The following OTUD7A variants were observed in gnomAD, a reference collection of about 807,000 sequenced individuals.
The protein encoded by OTUD7A is OTU deubiquitinase 7A.
In OTUD7A, 12 loss-of-function variants were observed where a neutral mutation model predicts 65.7. That is an observed-to-expected ratio of 0.18 (90% CI 0.12 to 0.30). The LOEUF (loss-of-function observed/expected upper bound fraction) is 0.30. Among genes scored for constraint, OTUD7A ranks in the 10% least tolerant of loss-of-function variants. The pLI is 1.00. For missense variants in OTUD7A, 1,148 were observed against 1,304.8 expected (o/e 0.88, Z 1.85); for synonymous variants, 641 against 586.3 (o/e 1.09, Z -1.35).
intron 3 of OTUD7A, among the ~76,000 whole-genome samples, chr15:31,638,689 T>C (rs887608123): frequency 2.0e-5 from 3 of 152,044 alleles, no homozygotes; most frequent in Admixed American, 6.6e-5. Context: ...GCCACTGTGC[T>C]TAGCCAACAT....
intron 1 of OTUD7A, among the ~76,000 whole-genome samples, chr15:31,858,345 T>C (rs1003557338): frequency 6.6e-6 from 1 of 152,138 alleles, no homozygotes; most frequent in Non-Finnish European, 1.5e-5. Context: ...CCTCTTGCTG[T>C]GCAGTGTGGC....
intron 1 of OTUD7A, among the ~76,000 whole-genome samples, chr15:31,666,019 G>A (rs1363320362): frequency 4.4e-5 from 6 of 135,802 alleles, no homozygotes; most frequent in Non-Finnish European, 7.8e-5. Flanking sequence ...CTTGATCATG[G>A]TGGATTTTTT....
chr15:31,671,602 T>C (rs2141296331), intron 1 of OTUD7A, among the ~76,000 whole-genome samples: 1 of 152,342 alleles, frequency 6.6e-6, no homozygotes, highest in Admixed American at 6.5e-5. Flanking sequence ...ACTAATATGA[T>C]GAATTATATT....
In OTUD7A at chr15:31,483,720, C is replaced by A; in HGVS notation, c.2376G>T (p.Ala792=). The A allele has an allele frequency of 8.8e-7, 1 of 1,134,908 alleles. No individual in the cohort carries two copies. Among genetic ancestry groups the A allele is most frequent in the Non-Finnish European group, 1.1e-6 (1 of 927,990 alleles). 70.3% of individuals were successfully genotyped at this position (1,134,908 alleles called of 1,614,324 possible). A position where few individuals can be genotyped will look rare whatever the true frequency, so the allele number is the denominator to read the frequency against. The change falls in exon 13 of 13, where the codon GCG becomes GCT. Residue 792 remains alanine (A), a synonymous_variant. Coordinates refer to ENST00000307050, the MANE Select transcript of OTUD7A (RefSeq NM_001382637.1). ...ACGGCCGCAGCGCCCCCACGGCCGG[C>A]GCGCACGCCTCGTCCCGCGCGCCCG... ...QASGARDEAC[A]PAVGALRPCA...
intron 1 of OTUD7A, among the ~76,000 whole-genome samples, chr15:31,725,955 G>A (rs1473302202): frequency 6.6e-6 from 1 of 152,006 alleles, no homozygotes; most frequent in Admixed American, 6.5e-5. Flanking sequence ...TAAACTAATT[G>A]AAAGTACCTT....
chr15:31,733,279 C>G (rs1372984749), intron 1 of OTUD7A, among the ~76,000 whole-genome samples: 5 of 152,204 alleles, frequency 3.3e-5, no homozygotes, highest in Non-Finnish European at 7.3e-5. Context: ...TCACCATTAC[C>G]TCCCCTGAGT....
intron 3 of OTUD7A, among the ~76,000 whole-genome samples, chr15:31,626,175 G>A (rs1409482229): frequency 6.6e-6 from 1 of 152,142 alleles, no homozygotes; most frequent in Non-Finnish European, 1.5e-5. Context: ...GCATTTCATT[G>A]CACATAGATT....
At chr15:31,656,299 G>A (rs1221938312) in intron 2 of OTUD7A, among the ~76,000 whole-genome samples, 1 of 152,222 alleles carries the variant, frequency 6.6e-6, no homozygotes, top group Non-Finnish European at 1.5e-5. Context: ...CCGGTGGAGT[G>A]CAAATGCATC....
chr15:31,864,695 T>C (rs1233288421), intron 1 of OTUD7A, among the ~76,000 whole-genome samples: 1 of 151,704 alleles, frequency 6.6e-6, no homozygotes, highest in African/African-American at 2.4e-5. Context: ...GCTAATGACT[T>C]TTAACTCCAA....
At position 31,476,964 on chromosome 15, in the gene OTUD7A, A is replaced by G. The variant is rs151327907; in HGVS notation, c.*6330T>C. On this transcript the variant is annotated 3_prime_UTR_variant, in exon 13 of 13. Transcript: ENST00000307050. ...CCTGCTGTGGGTGAGGCCACCTGCCAGCACTGGAGGGCCACCGTGCTGGGG... is the reference window on the plus strand; with the variant it reads ...CCTGCTGTGGGTGAGGCCACCTGCCGGCACTGGAGGGCCACCGTGCTGGGG... 6.6e-6 allele frequency: 1 copy of G among 152,428 alleles called. No individual in the cohort carries two copies. Among genetic ancestry groups the G allele is most frequent in the East Asian group, 1.9e-4 (1 of 5,188 alleles). The allele number at this position is 152,428 out of a possible 1,614,324, so 9.4% of individuals were successfully genotyped here. A position where few individuals can be genotyped will look rare whatever the true frequency, so the allele number is the denominator to read the frequency against.
At chr15:31,488,208 CAG>C (rs1201593391) in intron 10 of OTUD7A, among the ~76,000 whole-genome samples, 6 of 152,096 alleles carry the variant, frequency 3.9e-5, no homozygotes, top group Non-Finnish European at 7.4e-5. Context: ...CGGATGGGGT[CAG>C]GGGGTCCTTT....
At chr15:31,528,630 A>T (rs888303821) in intron 6 of OTUD7A, among the ~76,000 whole-genome samples, 1 of 152,244 alleles carries the variant, frequency 6.6e-6, no homozygotes, top group Non-Finnish European at 1.5e-5. Context: ...GACCTCTTTC[A>T]GCTGCCTTCT....
intron 1 of OTUD7A, among the ~76,000 whole-genome samples, chr15:31,774,619 G>C (rs1178446588): frequency 6.6e-6 from 1 of 152,156 alleles, no homozygotes; most frequent in Non-Finnish European, 1.5e-5. Flanking sequence ...TCCAGAGGGG[G>C]ATCTCAGATA....
chr15:31,592,691 T>G (rs556700391), intron 3 of OTUD7A, among the ~76,000 whole-genome samples: 46 of 151,360 alleles, frequency 3.0e-4, no homozygotes, highest in African/African-American at 9.7e-4. Flanking sequence ...ACATCCTGGC[T>G]AACATGGTGA....
At chr15:31,756,913 TG>T (rs1567007273) in intron 1 of OTUD7A, among the ~76,000 whole-genome samples, 1 of 152,114 alleles carries the variant, frequency 6.6e-6, no homozygotes, top group Non-Finnish European at 1.5e-5. Context: ...ACTGGGTATG[TG>T]GGGGCCACCG....
At chr15:31,595,179 G>T (rs76448792) in intron 3 of OTUD7A, among the ~76,000 whole-genome samples, 86 of 152,312 alleles carry the variant, frequency 5.6e-4, no homozygotes, top group African/African-American at 2.0e-3. Flanking sequence ...CGATGAGTTG[G>T]ACAGGGAAGC....
intron 3 of OTUD7A, among the ~76,000 whole-genome samples, chr15:31,582,299 T>C (rs1240166452): frequency 1.3e-5 from 2 of 152,230 alleles, no homozygotes; most frequent in South Asian, 2.1e-4. Flanking sequence ...AGTTCCAAAC[T>C]TTCCCACATT....
rs1192866140 is a variant in OTUD7A, at chr15:31,476,781, A to G, written c.*6513T>C. Reference sequence around the variant, plus strand: ...ACAAAGCCTTTAACCAGGCCACAGTAGGACAAAAGTCCCATAAGAAGCTTG... The same window carrying G: ...ACAAAGCCTTTAACCAGGCCACAGTGGGACAAAAGTCCCATAAGAAGCTTG... On this transcript the variant is annotated 3_prime_UTR_variant, in exon 13 of 13. Coordinates refer to ENST00000307050, the MANE Select transcript of OTUD7A (RefSeq NM_001382637.1). 6.6e-6 allele frequency: 1 copy of G among 152,302 alleles called. No homozygotes were observed. Among genetic ancestry groups the G allele is most frequent in the Non-Finnish European group, 1.5e-5 (1 of 68,054 alleles). 9.4% of individuals were successfully genotyped at this position (152,302 alleles called of 1,614,324 possible). A position where few individuals can be genotyped will look rare whatever the true frequency, so the allele number is the denominator to read the frequency against.
intron 1 of OTUD7A, among the ~76,000 whole-genome samples, chr15:31,755,228 T>A (rs1894778165): frequency 1.3e-5 from 2 of 151,914 alleles, no homozygotes; most frequent in South Asian, 4.1e-4. Flanking sequence ...TGAGGAAGTA[T>A]TAATAATATG....
Sources: gnomAD v4.1 joint callset for allele counts (sites outside exome capture counted in the v4.1 genomes callset) on GRCh38, gnomAD v4.1.1 for gene constraint, MANE v1.5 for transcripts, NCBI Gene and HGNC (gene_info 2026-07-23, HGNC 2026-07-21) for gene names.